FANCL: variants seen among roughly 807,000 people sequenced by gnomAD.
FANCL encodes the protein FA complementation group L.
A neutral mutation model predicts 59.4 loss-of-function variants in FANCL; 69 were observed. That is an observed-to-expected ratio of 1.16 (90% CI 0.96 to 1.42). The LOEUF (loss-of-function observed/expected upper bound fraction) is 1.42, where lower values mean the gene tolerates loss of function less well. Ranked by LOEUF, FANCL falls within the 40% of genes most tolerant of loss-of-function variation. The pLI is 0.00. For synonymous variants in FANCL, 180 were observed against 147.1 expected (o/e 1.22, Z -1.62); for missense variants, 519 against 447.2 (o/e 1.16, Z -1.45).
At chr2:58,236,596 AAC>A (rs1694048815) in intron 1 of FANCL, among the ~76,000 whole-genome samples, 2 of 152,186 alleles carry the variant, frequency 1.3e-5, no homozygotes, top group South Asian at 4.1e-4. Flanking sequence ...ACAAACAGAA[AAC>A]ACACAGCAAG....
At position 58,159,371 on chromosome 2, in the gene FANCL, A is replaced by C; in HGVS notation, c.*394T>G. On this transcript the variant is annotated 3_prime_UTR_variant, in exon 14 of 14. Coordinates refer to ENST00000233741, the MANE Select transcript of FANCL (RefSeq NM_018062.4). ...TAGGAAAGCACAAGGAGAAGACAGA[A>C]ATATCAAGAGTCTCAAGAACCTTTG... is the stretch of plus-strand genomic sequence containing the variant. The C allele has an allele frequency of 6.2e-7, 1 of 1,608,820 alleles. No homozygotes were observed. Among genetic ancestry groups the C allele is most frequent in the Non-Finnish European group, 8.5e-7 (1 of 1,178,150 alleles).
chr2:58,199,531 C>A (rs1372948851), intron 6 of FANCL, among the ~76,000 whole-genome samples: 1 of 151,986 alleles, frequency 6.6e-6, no homozygotes, highest in Non-Finnish European at 1.5e-5. Flanking sequence ...AAAAATAAAA[C>A]AGTTTTTAGC....
chr2:58,221,878 G>C, intron 5 of FANCL, 64 bp downstream of exon 5: 1 of 1,181,766 alleles, frequency 8.5e-7, no homozygotes, highest in East Asian at 2.6e-5. Context: ...GCTAAAACTA[G>C]AAATACATTA....
At chr2:58,192,130 T>TA (rs1419333106) in intron 7 of FANCL, among the ~76,000 whole-genome samples, 1 of 151,852 alleles carries the variant, frequency 6.6e-6, no homozygotes, top group African/African-American at 2.4e-5. Flanking sequence ...GGCATTTGAT[T>TA]AAAAAAACCT....
intron 1 of FANCL, among the ~76,000 whole-genome samples, chr2:58,237,455 A>C (rs184484029): frequency 1.1e-4 from 16 of 152,272 alleles, no homozygotes; most frequent in African/African-American, 3.6e-4. Flanking sequence ...TGATATAGCT[A>C]AACCAGTATT....
chr2:58,241,345 C>G, upstream of FANCL: 2 of 1,606,274 alleles, frequency 1.2e-6, no homozygotes, highest in Non-Finnish European at 1.7e-6. Context: ...CAGAAAAGCT[C>G]TAGACCTGCT....
At chr2:58,190,772 A>C (rs1227125407) in intron 7 of FANCL, among the ~76,000 whole-genome samples, 1 of 151,958 alleles carries the variant, frequency 6.6e-6, no homozygotes, top group Non-Finnish European at 1.5e-5. Context: ...TAATTAATTA[A>C]TTAATACTGT....
intron 9 of FANCL, 164 bp downstream of exon 9, chr2:58,163,270 G>A (rs1039998082): frequency 1.8e-5 from 13 of 728,668 alleles, no homozygotes; most frequent in East Asian, 1.3e-4. Flanking sequence ...GCGGTGAACC[G>A]AGATCGCGCC....
chr2:58,186,810 C>A (rs1688448768), intron 7 of FANCL, among the ~76,000 whole-genome samples: 1 of 152,152 alleles, frequency 6.6e-6, no homozygotes, highest in African/African-American at 2.4e-5. Context: ...CACCACGAAG[C>A]TGACTGAAGC....
intron 7 of FANCL, among the ~76,000 whole-genome samples, chr2:58,172,750 A>G (rs1160192078): frequency 1.3e-5 from 2 of 152,216 alleles, no homozygotes; most frequent in Non-Finnish European, 2.9e-5. Flanking sequence ...CCAAAGGAAC[A>G]CAGCTCCTCA....
intron 4 of FANCL, among the ~76,000 whole-genome samples, chr2:58,224,724 G>C (rs546072194): frequency 2.6e-5 from 4 of 151,868 alleles, no homozygotes; most frequent in African/African-American, 9.6e-5. Context: ...AAAAGCATAA[G>C]TGAAATATAA....
chr2:58,240,907 A>G (rs1194208449), intron 1 of FANCL, among the ~76,000 whole-genome samples: 1 of 152,202 alleles, frequency 6.6e-6, no homozygotes, highest in Non-Finnish European at 1.5e-5. Context: ...AAAAAAATTA[A>G]AAAACAGTCA....
At chr2:58,228,625 C>T (rs1199460541) in intron 3 of FANCL, among the ~76,000 whole-genome samples, 1 of 152,172 alleles carries the variant, frequency 6.6e-6, no homozygotes, top group Non-Finnish European at 1.5e-5. Flanking sequence ...GCCAGAAAAA[C>T]TTATTATCTG....
chr2:58,166,177 TAC>T (rs1384702435), intron 7 of FANCL, among the ~76,000 whole-genome samples: 1 of 152,086 alleles, frequency 6.6e-6, no homozygotes, highest in Non-Finnish European at 1.5e-5. Context: ...AAGATGTATG[TAC>T]ACACAACTTT....
At chr2:58,202,677 T>C (rs1462087431) in intron 6 of FANCL, among the ~76,000 whole-genome samples, 2 of 151,856 alleles carry the variant, frequency 1.3e-5, no homozygotes, top group Non-Finnish European at 2.9e-5. Flanking sequence ...CATCATCTTA[T>C]CTACCTTGAA....
At chr2:58,193,758 A>T (rs1467901045) in intron 7 of FANCL, among the ~76,000 whole-genome samples, 2 of 152,114 alleles carry the variant, frequency 1.3e-5, no homozygotes, top group African/African-American at 4.8e-5. Flanking sequence ...ACAGTGAAAA[A>T]CTAGGGGATT....
intron 1 of FANCL, among the ~76,000 whole-genome samples, chr2:58,233,931 T>C (rs1423997300): frequency 6.6e-6 from 1 of 152,006 alleles, no homozygotes; most frequent in Non-Finnish European, 1.5e-5. Context: ...GTGGGAAACT[T>C]AGGCTCTTAT....
At chr2:58,161,955 A>T (rs2104787613) in intron 11 of FANCL, among the ~76,000 whole-genome samples, 1 of 152,046 alleles carries the variant, frequency 6.6e-6, no homozygotes, top group East Asian at 1.9e-4. Flanking sequence ...ATTACTATTT[A>T]ACACCTAGCA....
At chr2:58,163,001 G>T in intron 10 of FANCL, 28 bp downstream of exon 10, 1 of 1,612,254 alleles carries the variant, frequency 6.2e-7, no homozygotes, top group Non-Finnish European at 8.5e-7. Context: ...TCACCAAAAA[G>T]TAAAAATTAT....
Sources: allele counts gnomAD v4.1 joint callset (sites outside exome capture counted in the v4.1 genomes callset), GRCh38; gene constraint gnomAD v4.1.1; transcripts MANE v1.5; gene names NCBI Gene and HGNC (gene_info 2026-07-23, HGNC 2026-07-21).